TAF1B: variants seen among roughly 807,000 people sequenced by gnomAD.
TAF1B encodes TATA box-binding protein-associated factor RNA polymerase I subunit B.
A neutral mutation model predicts 83.9 loss-of-function variants in TAF1B; 61 were observed. The observed-to-expected ratio is 0.73, with a 90% CI of 0.59 to 0.90. TAF1B has a LOEUF of 0.90. Ranked by LOEUF, TAF1B falls within the 40% of genes least tolerant of loss-of-function variation. The pLI, the probability that TAF1B is intolerant of heterozygous loss-of-function variation, is 0.00. For missense variants in TAF1B, 625 were observed against 677.0 expected (o/e 0.92, Z 0.85); for synonymous variants, 221 against 224.6 (o/e 0.98, Z 0.14).
chr2:9,916,156 T>C (rs1665675773), intron 12 of TAF1B, among the ~76,000 whole-genome samples: 2 of 152,258 alleles, frequency 1.3e-5, no homozygotes, highest in Non-Finnish European at 1.5e-5. Context: ...CAACTGTATG[T>C]GTTTGTCAGT....
At chr2:9,870,948 A>G (rs1340754609) in intron 6 of TAF1B, among the ~76,000 whole-genome samples, 1 of 152,092 alleles carries the variant, frequency 6.6e-6, no homozygotes, top group Non-Finnish European at 1.5e-5. Context: ...AGTTCTTATA[A>G]TCTCTTAATA....
At chr2:9,845,407 G>A in intron 2 of TAF1B, 89 bp downstream of exon 2, 1 of 1,064,202 alleles carries the variant, frequency 9.4e-7, no homozygotes, top group Non-Finnish European at 1.4e-6. Flanking sequence ...AAAGAATTGG[G>A]TTGATTTTTG....
intron 5 of TAF1B, among the ~76,000 whole-genome samples, chr2:9,862,232 A>T (rs1010927611): frequency 7.2e-5 from 11 of 152,198 alleles, no homozygotes; most frequent in Non-Finnish European, 1.6e-4. Flanking sequence ...AGAATAACCA[A>T]TGCAGAGAAG....
chr2:9,921,764 T>C (rs1453705757), intron 14 of TAF1B, among the ~76,000 whole-genome samples: 5 of 152,244 alleles, frequency 3.3e-5, no homozygotes, highest in African/African-American at 1.2e-4. Flanking sequence ...TGAAATTTTT[T>C]ATAATAAAGT....
chr2:9,903,579 A>G (rs998783707), intron 8 of TAF1B, among the ~76,000 whole-genome samples: 2 of 152,216 alleles, frequency 1.3e-5, no homozygotes, highest in African/African-American at 4.8e-5. Context: ...AGAATCTTAT[A>G]TATTTTTATA....
intron 8 of TAF1B, among the ~76,000 whole-genome samples, chr2:9,883,914 G>T (rs1664584963): frequency 1.3e-5 from 2 of 152,242 alleles, no homozygotes; most frequent in Non-Finnish European, 1.5e-5. Context: ...CGTTTTTCTG[G>T]CTGGAAAACC....
chr2:9,875,699 C>T (rs897583651), intron 6 of TAF1B, among the ~76,000 whole-genome samples, 166 bp from the exon 7 acceptor site: 1 of 152,180 alleles, frequency 6.6e-6, no homozygotes, highest in South Asian at 2.1e-4. Context: ...CAGGTCCCTC[C>T]CATGACACGT....
chr2:9,899,893 A>G (rs908104019), intron 8 of TAF1B, among the ~76,000 whole-genome samples: 3 of 152,184 alleles, frequency 2.0e-5, no homozygotes, highest in African/African-American at 7.2e-5. Flanking sequence ...GCATTGTACT[A>G]TGAATATTTT....
Position 9,843,725 on chromosome 2 carries a change from G to C in TAF1B, c.18+166G>C, listed in dbSNP as rs186678911. The C allele has an allele frequency of 3.8e-3, 2,616 of 680,160 alleles. 8 individuals carry two copies. Among genetic ancestry groups the C allele is most frequent in the Non-Finnish European group, 5.3e-3 (2,301 of 435,762 alleles). The allele number at this position is 680,160 out of a possible 1,614,324, so 42.1% of individuals were successfully genotyped here. A position where few individuals can be genotyped will look rare whatever the true frequency, so the allele number is the denominator to read the frequency against. On this transcript the variant is annotated intron_variant, in intron 1 of 14. Transcript: ENST00000263663. ...GGCTAAGGACTGGGGCTGGCCGGCC[G>C]CATGCGCGCGCGGCTTTGGTAAAGA...
chr2:9,866,757 T>TA (rs1017249715), intron 5 of TAF1B, among the ~76,000 whole-genome samples: 21 of 152,108 alleles, frequency 1.4e-4, no homozygotes, highest in Non-Finnish European at 2.9e-4. Context: ...TATGCAGCCA[T>TA]AAAAAATGAT....
intron 4 of TAF1B, among the ~76,000 whole-genome samples, 189 bp from the exon 5 acceptor site, chr2:9,854,137 A>T (rs371939061): frequency 6.6e-6 from 1 of 152,170 alleles, no homozygotes; most frequent in Non-Finnish European, 1.5e-5. Flanking sequence ...GTGGAACTCA[A>T]TGTTCTGATA....
chr2:9,932,041 C>T (rs1013368035), intron 14 of TAF1B, among the ~76,000 whole-genome samples: 2 of 152,196 alleles, frequency 1.3e-5, no homozygotes, highest in Admixed American at 1.3e-4. Context: ...CTTCTCTACG[C>T]TGTTTGTTCT....
intron 14 of TAF1B, among the ~76,000 whole-genome samples, chr2:9,920,113 A>G (rs1665824363): frequency 6.6e-6 from 1 of 152,224 alleles, no homozygotes; most frequent in South Asian, 2.1e-4. Context: ...TTTAGTACAT[A>G]TCACTTCTCT....
intron 8 of TAF1B, among the ~76,000 whole-genome samples, chr2:9,888,117 A>C (rs1038583178): frequency 5.9e-5 from 9 of 152,166 alleles, no homozygotes; most frequent in Admixed American, 2.0e-4. Context: ...CTGTTGATTT[A>C]TTAACTATAC....
chr2:9,927,527 C>T (rs1460980486), intron 14 of TAF1B, among the ~76,000 whole-genome samples: 3 of 152,230 alleles, frequency 2.0e-5, no homozygotes, highest in Admixed American at 2.0e-4. Context: ...TCCTCTCCAG[C>T]ACCTGTTGTT....
intron 9 of TAF1B, among the ~76,000 whole-genome samples, chr2:9,906,128 T>C (rs1341345082): frequency 6.6e-6 from 1 of 152,128 alleles, no homozygotes; most frequent in Non-Finnish European, 1.5e-5. Flanking sequence ...CCTGAGTTTA[T>C]AGAGAGAATA....
chr2:9,845,865 C>G, intron 2 of TAF1B: 1 of 308,852 alleles, frequency 3.2e-6, no homozygotes, highest in South Asian at 2.9e-5. Flanking sequence ...CGCCTGTAGT[C>G]CCAGCTACTT....
intron 2 of TAF1B, chr2:9,846,321 ACACACCTTCGGGCCAG>A (rs1663206439): frequency 3.0e-6 from 1 of 335,876 alleles, no homozygotes; most frequent in African/African-American, 2.2e-5. Flanking sequence ...ATTGTGGTGA[ACACACCTTCGGGCCAG>A]CATCACCAAA....
chr2:9,859,575 A>G (rs1489297266), intron 5 of TAF1B, among the ~76,000 whole-genome samples: 1 of 151,938 alleles, frequency 6.6e-6, no homozygotes, highest in African/African-American at 2.4e-5. Context: ...TTTAATACAG[A>G]TGGGGTTTCA....
Sources: gnomAD v4.1 joint callset for allele counts (sites outside exome capture counted in the v4.1 genomes callset) on GRCh38, gnomAD v4.1.1 for gene constraint, MANE v1.5 for transcripts, NCBI Gene and HGNC (gene_info 2026-07-23, HGNC 2026-07-21) for gene names.